RALYL: variants seen among roughly 807,000 people sequenced by gnomAD.
The protein encoded by RALYL is RNA-binding Raly-like protein.
In RALYL, 29 loss-of-function variants were observed where a neutral mutation model predicts 35.1. The ratio of observed to expected loss-of-function variants is 0.83; its 90% CI spans 0.61 to 1.13. The LOEUF (loss-of-function observed/expected upper bound fraction) is 1.13, where lower values mean the gene tolerates loss of function less well. RALYL is among the 50% of genes most tolerant of loss of function. The pLI is 0.00. For synonymous variants in RALYL, 120 were observed against 127.6 expected, an observed-to-expected ratio of 0.94 and a Z score of 0.40; for missense variants, 359 against 360.4, an observed-to-expected ratio of 1.00 and a Z score of 0.03.
In RALYL at chr8:84,643,525, A is replaced by G. The variant is rs111380329; in HGVS notation, c.256+113948A>G. On this transcript the variant is annotated intron_variant, in intron 2 of 8. Transcript: ENST00000521268. Reference sequence around the variant, plus strand: ...AGAGAAATTCCCTAACGTTCCAGCCATGGGGTCAGCCATGAGCAGCCAGCA... The same window carrying G: ...AGAGAAATTCCCTAACGTTCCAGCCGTGGGGTCAGCCATGAGCAGCCAGCA... Among the ~76,000 whole-genome samples, 1,256 of 152,144 alleles carry G rather than the reference A, an allele frequency of 8.3e-3. 15 individuals carry two copies. Among genetic ancestry groups the G allele is most frequent in the African/African-American group, 0.028 (1,165 of 41,536 alleles).
intron 2 of RALYL, among the ~76,000 whole-genome samples, chr8:84,579,555 C>T (rs115041822): frequency 1.3e-5 from 2 of 152,324 alleles, no homozygotes; most frequent in African/African-American, 2.4e-5. Flanking sequence ...AATGGTGGTT[C>T]CAGACAGGGC....
intron 2 of RALYL, among the ~76,000 whole-genome samples, chr8:84,567,721 C>G (rs1460993909): frequency 1.3e-5 from 2 of 150,794 alleles, no homozygotes; most frequent in African/African-American, 4.9e-5. Context: ...AAGTAGGTAC[C>G]AAGTAGTGGG....
intron 1 of RALYL, among the ~76,000 whole-genome samples, chr8:84,275,474 A>AATATATAT (rs112699780): frequency 6.8e-6 from 1 of 147,096 alleles, no homozygotes; most frequent in African/African-American, 2.5e-5. Flanking sequence ...GATGTTTTGA[A>AATATATAT]ATATATATAT....
At chr8:84,724,803 C>T (rs1365491854) in intron 2 of RALYL, among the ~76,000 whole-genome samples, 3 of 151,652 alleles carry the variant, frequency 2.0e-5, no homozygotes, top group African/African-American at 7.3e-5. Flanking sequence ...TAGAAATTCA[C>T]CAGATAATCA....
intron 1 of RALYL, among the ~76,000 whole-genome samples, chr8:84,245,955 T>C (rs541218394): frequency 2.6e-5 from 4 of 152,234 alleles, no homozygotes; most frequent in Non-Finnish European, 4.4e-5. Context: ...CAGAGAGAGC[T>C]TCACAGAAAA....
chr8:84,484,289 A>C (rs923323980), intron 1 of RALYL, among the ~76,000 whole-genome samples: 2 of 152,164 alleles, frequency 1.3e-5, no homozygotes, highest in African/African-American at 4.8e-5. Context: ...CAAGAAGGAC[A>C]AACCAGGTCT....
intron 8 of RALYL, among the ~76,000 whole-genome samples, chr8:84,909,700 C>A (rs1289932540): frequency 6.6e-6 from 1 of 151,996 alleles, no homozygotes. Flanking sequence ...GTTTTTTAAT[C>A]TATAATATGA....
chr8:84,464,333 T>G (rs1177173832), intron 1 of RALYL, among the ~76,000 whole-genome samples: 2 of 151,710 alleles, frequency 1.3e-5, no homozygotes, highest in Non-Finnish European at 2.9e-5. Flanking sequence ...GATATTCCCC[T>G]TCCTGTGTCC....
chr8:84,389,314 T>C (rs1860032470), intron 1 of RALYL, among the ~76,000 whole-genome samples: 1 of 152,126 alleles, frequency 6.6e-6, no homozygotes, highest in African/African-American at 2.4e-5. Context: ...TAGGATTGAC[T>C]TGGCAATGCG....
intron 1 of RALYL, among the ~76,000 whole-genome samples, chr8:84,306,145 C>T (rs1841744269): frequency 6.6e-6 from 1 of 150,430 alleles, no homozygotes; most frequent in Admixed American, 6.6e-5. Context: ...GCCTGGGTGA[C>T]AGAGCGAGAC....
At chr8:84,352,816 G>A (rs1407976196) in intron 1 of RALYL, among the ~76,000 whole-genome samples, 2 of 150,128 alleles carry the variant, frequency 1.3e-5, no homozygotes, top group Non-Finnish European at 3.0e-5. Flanking sequence ...GTTGGCCATG[G>A]GGAACTGATA....
chr8:84,886,033 A>C (rs1405245224), intron 7 of RALYL, among the ~76,000 whole-genome samples: 1 of 152,142 alleles, frequency 6.6e-6, no homozygotes, highest in African/African-American at 2.4e-5. Context: ...ACTCAAACTC[A>C]GTGTCTATAA....
chr8:84,775,482 C>T (rs1816628231), intron 3 of RALYL, among the ~76,000 whole-genome samples: 1 of 152,138 alleles, frequency 6.6e-6, no homozygotes, highest in South Asian at 2.1e-4. Context: ...CTCAGTCAGT[C>T]AGCCTTCTTT....
chr8:84,212,918 A>G (rs1295820000), intron 1 of RALYL, among the ~76,000 whole-genome samples: 2 of 152,222 alleles, frequency 1.3e-5, no homozygotes, highest in Non-Finnish European at 2.9e-5. Context: ...ATAAATAAGT[A>G]ATACAATAAA....
At chr8:84,219,255 A>T (rs1821600221) in intron 1 of RALYL, among the ~76,000 whole-genome samples, 1 of 152,012 alleles carries the variant, frequency 6.6e-6, no homozygotes, top group Non-Finnish European at 1.5e-5. Flanking sequence ...TGTGATAGTG[A>T]GTTCTCACAA....
intron 1 of RALYL, among the ~76,000 whole-genome samples, chr8:84,410,997 G>T (rs957675612): frequency 9.9e-5 from 15 of 151,644 alleles, no homozygotes; most frequent in Non-Finnish European, 1.5e-4. Context: ...AAGCACCCAA[G>T]ATCAATAAAT....
At chr8:84,365,066 T>C (rs1853936239) in intron 1 of RALYL, among the ~76,000 whole-genome samples, 1 of 152,176 alleles carries the variant, frequency 6.6e-6, no homozygotes, top group African/African-American at 2.4e-5. Context: ...GGTACATGGT[T>C]GGTTCTTTGA....
chr8:84,844,464 A>C (rs1353835771), intron 4 of RALYL, among the ~76,000 whole-genome samples: 10 of 152,206 alleles, frequency 6.6e-5, no homozygotes, highest in Admixed American at 2.6e-4. Flanking sequence ...AAAAGTCAGG[A>C]AACAACAGGT....
chr8:84,619,790 T>G (rs974813948), intron 2 of RALYL, among the ~76,000 whole-genome samples: 1 of 151,084 alleles, frequency 6.6e-6, no homozygotes. Flanking sequence ...GCAGGCCTGA[T>G]GGTGACAAAA....
Sources: allele counts gnomAD v4.1 joint callset (sites outside exome capture counted in the v4.1 genomes callset), GRCh38; gene constraint gnomAD v4.1.1; transcripts MANE v1.5; gene names NCBI Gene and HGNC (gene_info 2026-07-23, HGNC 2026-07-21).